IGSF10: variants seen among roughly 807,000 people sequenced by gnomAD.
The protein encoded by IGSF10 is calvaria mechanical force protein 608.
A neutral mutation model predicts 128.2 loss-of-function variants in IGSF10; 126 were observed. That is an observed-to-expected ratio of 0.98 (90% CI 0.85 to 1.14). The LOEUF (loss-of-function observed/expected upper bound fraction) is 1.14, where lower values mean the gene tolerates loss of function less well. Ranked by LOEUF, IGSF10 falls within the 50% of genes most tolerant of loss-of-function variation. The pLI, the probability that IGSF10 is intolerant of heterozygous loss-of-function variation, is 0.00. For synonymous variants in IGSF10, 1,185 were observed against 1,146.2 expected (o/e 1.03, Z -0.68); for missense variants, 3,295 against 3,149.8 (o/e 1.05, Z -1.10).
At chr3:151,471,061 C>A in the IGSF10 span, among the ~76,000 whole-genome samples, 1 of 152,054 alleles carries the variant, frequency 6.6e-6, no homozygotes, top group Non-Finnish European at 1.5e-5. Context: ...TTGTAATAAT[C>A]CCTGTGGGGA....
chr3:151,550,383 T>G, the IGSF10 span, among the ~76,000 whole-genome samples: 5 of 152,210 alleles, frequency 3.3e-5, no homozygotes, highest in African/African-American at 1.2e-4. Context: ...AATTTATTTT[T>G]AAGTGTTCTT....
chr3:151,439,318 A>G (rs1237441909), intron 7 of IGSF10, among the ~76,000 whole-genome samples: 1 of 152,280 alleles, frequency 6.6e-6, no homozygotes, highest in Admixed American at 6.5e-5. Flanking sequence ...ATTTGGTTAG[A>G]AAATTCTACT....
At chr3:151,488,303 T>A in the IGSF10 span, among the ~76,000 whole-genome samples, 6 of 68,376 alleles carry the variant, frequency 8.8e-5, no homozygotes, top group Admixed American at 1.7e-4. Flanking sequence ...TACAAACCAC[T>A]GCTCAAGGAA....
chr3:151,525,781 G>C, the IGSF10 span, among the ~76,000 whole-genome samples: 1 of 152,128 alleles, frequency 6.6e-6, no homozygotes, highest in Non-Finnish European at 1.5e-5. Flanking sequence ...TAAGGGGTTT[G>C]CCAAATTGGT....
the IGSF10 span, among the ~76,000 whole-genome samples, chr3:151,555,209 T>A: frequency 6.6e-6 from 1 of 152,110 alleles, no homozygotes; most frequent in Non-Finnish European, 1.5e-5. Context: ...GAAAAATGTA[T>A]TTAAATAAAC....
the IGSF10 span, among the ~76,000 whole-genome samples, chr3:151,523,998 A>T: frequency 6.6e-6 from 1 of 152,320 alleles, no homozygotes; most frequent in East Asian, 1.9e-4. Context: ...GGCAAAGGAC[A>T]TGAACATTTT....
chr3:151,453,702 G>C lies in IGSF10; in HGVS notation c.397C>G (p.Arg133Gly). ...DTFYGLRSLT[R>G]LHMDHNNIEF... Reference sequence around the variant, plus strand: ...ATATTGTTGTGGTCCATGTGCAATCGTGTCAAGCTCCTGAGGCCATAAAAA... The same window carrying C: ...ATATTGTTGTGGTCCATGTGCAATCCTGTCAAGCTCCTGAGGCCATAAAAA... Residue 133 changes from arginine (R) to glycine (G), a missense_variant, in exon 5 of 8, where the codon CGA becomes GGA. Coordinates refer to ENST00000282466, the MANE Select transcript of IGSF10 (RefSeq NM_178822.5). The C allele has an allele frequency of 6.2e-7, 1 of 1,610,200 alleles. No individual in the cohort carries two copies. Among genetic ancestry groups the C allele is most frequent in the Non-Finnish European group, 8.5e-7 (1 of 1,176,970 alleles).
the IGSF10 span, among the ~76,000 whole-genome samples, chr3:151,531,475 A>G: frequency 2.0e-5 from 3 of 152,186 alleles, no homozygotes; most frequent in Non-Finnish European, 4.4e-5. Context: ...GGAAATCATA[A>G]CAAACAGTCT....
chr3:151,454,798 A>G (rs1320642879), intron 4 of IGSF10, among the ~76,000 whole-genome samples: 1 of 151,998 alleles, frequency 6.6e-6, no homozygotes, highest in African/African-American at 2.4e-5. Flanking sequence ...GTTTGAGACC[A>G]GCCTAGCCAA....
the IGSF10 span, among the ~76,000 whole-genome samples, chr3:151,574,995 G>A: frequency 6.6e-6 from 1 of 152,294 alleles, no homozygotes; most frequent in Non-Finnish European, 1.5e-5. Flanking sequence ...CAGGTCTGTT[G>A]GTGTTTGCTG....
the IGSF10 span, among the ~76,000 whole-genome samples, chr3:151,586,273 T>C: frequency 6.6e-6 from 1 of 152,332 alleles, no homozygotes; most frequent in South Asian, 2.1e-4. Context: ...ATTAACTTTT[T>C]CATGGACAAC....
the IGSF10 span, among the ~76,000 whole-genome samples, chr3:151,614,385 G>A: frequency 8.9e-3 from 1,355 of 152,188 alleles, 15 homozygotes; most frequent in African/African-American, 0.031. Context: ...TGTTTATAGC[G>A]GCACTATTCA....
intron 2 of IGSF10, among the ~76,000 whole-genome samples, 166 bp downstream of exon 2, chr3:151,460,095 C>G (rs939223376): frequency 6.6e-6 from 1 of 152,176 alleles, no homozygotes; most frequent in African/African-American, 2.4e-5. Flanking sequence ...AAGGAAGGAA[C>G]AGCAGGATGA....
the IGSF10 span, among the ~76,000 whole-genome samples, chr3:151,470,439 A>G: frequency 6.6e-6 from 1 of 152,174 alleles, no homozygotes; most frequent in African/African-American, 2.4e-5. Flanking sequence ...AGGATGTTGC[A>G]GATTCTGAGT....
At chr3:151,441,411 CAATTT>C (rs1211674513) in intron 7 of IGSF10, among the ~76,000 whole-genome samples, 1 of 152,072 alleles carries the variant, frequency 6.6e-6, no homozygotes, top group Non-Finnish European at 1.5e-5. Flanking sequence ...AAACAAATTT[CAATTT>C]AATTTAGGTG....
intron 4 of IGSF10, among the ~76,000 whole-genome samples, chr3:151,455,084 A>C (rs1721716854): frequency 6.6e-6 from 1 of 151,992 alleles, no homozygotes; most frequent in African/African-American, 2.4e-5. Context: ...CACTGTTAGA[A>C]ACTTCTAAAT....
chr3:151,562,601 TTA>T, the IGSF10 span, among the ~76,000 whole-genome samples: 1 of 152,144 alleles, frequency 6.6e-6, no homozygotes, highest in African/African-American at 2.4e-5. Flanking sequence ...CCACCTCATT[TTA>T]AGGAAGTACC....
At chr3:151,556,095 G>GC in the IGSF10 span, among the ~76,000 whole-genome samples, 1 of 152,162 alleles carries the variant, frequency 6.6e-6, no homozygotes, top group African/African-American at 2.4e-5. Context: ...GGCTACAGAG[G>GC]CCCCGCTGGT....
the IGSF10 span, among the ~76,000 whole-genome samples, chr3:151,532,549 T>A: frequency 6.6e-6 from 1 of 151,966 alleles, no homozygotes; most frequent in African/African-American, 2.4e-5. Context: ...ACATAATCCA[T>A]CGCATAAGCA....
Sources: allele counts gnomAD v4.1 joint callset (sites outside exome capture counted in the v4.1 genomes callset), GRCh38; gene constraint gnomAD v4.1.1; transcripts MANE v1.5; gene names NCBI Gene and HGNC (gene_info 2026-07-23, HGNC 2026-07-21).